The following ZRANB3 variants were observed in gnomAD, a reference collection of about 807,000 sequenced individuals.
The protein encoded by ZRANB3 is zinc finger RANBP2-type containing 3, also known as DNA annealing helicase and endonuclease ZRANB3.
Under a neutral mutation model 133.8 loss-of-function variants are expected in ZRANB3, and 125 were observed. That is an observed-to-expected ratio of 0.93 (90% CI 0.81 to 1.08). ZRANB3 has a LOEUF of 1.08. ZRANB3 is among the 50% of genes least tolerant of loss of function. The probability of loss-of-function intolerance (pLI) is 0.00; values close to 1 mark genes in which losing one functional copy is unlikely to be tolerated. For missense variants in ZRANB3, 1,229 were observed against 1,275.5 expected, an observed-to-expected ratio of 0.96 and a Z score of 0.56; for synonymous variants, 387 against 432.7, an observed-to-expected ratio of 0.89 and a Z score of 1.31.
chr2:135,515,634 C>T (rs1161544230), intron 1 of ZRANB3, among the ~76,000 whole-genome samples: 2 of 152,168 alleles, frequency 1.3e-5, no homozygotes, highest in Non-Finnish European at 2.9e-5. Context: ...TTTGCTTGCA[C>T]TGTGGTCTGA....
chr2:135,315,875 A>T (rs1016467526), intron 6 of ZRANB3, among the ~76,000 whole-genome samples: 2 of 152,152 alleles, frequency 1.3e-5, no homozygotes, highest in African/African-American at 4.8e-5. Flanking sequence ...GTTTTAGCAG[A>T]TCTATCCATA....
Position 135,198,263 on chromosome 2 carries a change from T to G in ZRANB3, c.*2079A>C, listed in dbSNP as rs2105027762. 1 of 152,322 alleles carries G rather than the reference T, an allele frequency of 6.6e-6. No homozygotes were observed. The highest frequency in any genetic ancestry group is 1.5e-5 in the Non-Finnish European group (1 of 68,054). 9.4% of individuals were successfully genotyped at this position (152,322 alleles called of 1,614,324 possible). A position where few individuals can be genotyped will look rare whatever the true frequency, so the allele number is the denominator to read the frequency against. ...GGAAAGAACAGTCCTCAAGATGCCC[T>G]TTCGGTCTCGGTTATTAGATCAATC... On this transcript the variant is annotated 3_prime_UTR_variant, in exon 21 of 21. Coordinates refer to ENST00000264159, the MANE Select transcript of ZRANB3 (RefSeq NM_032143.4).
At chr2:135,330,645 T>C (rs952486274) in intron 6 of ZRANB3, among the ~76,000 whole-genome samples, 2 of 152,010 alleles carry the variant, frequency 1.3e-5, no homozygotes, top group East Asian at 1.9e-4. Flanking sequence ...CTCCTCTTTG[T>C]AATTCTGGTA....
intron 3 of ZRANB3, among the ~76,000 whole-genome samples, chr2:135,371,276 T>G (rs545815408): frequency 6.6e-6 from 1 of 152,326 alleles, no homozygotes; most frequent in African/African-American, 2.4e-5. Flanking sequence ...ACTGGTATGG[T>G]AGGAATGTTT....
chr2:135,424,978 T>C (rs1242322074), intron 2 of ZRANB3, among the ~76,000 whole-genome samples: 1 of 151,918 alleles, frequency 6.6e-6, no homozygotes, highest in African/African-American at 2.4e-5. Context: ...CAAGAAAGCT[T>C]AGAAAAATAT....
At chr2:135,429,084 C>T (rs1689212304) in intron 2 of ZRANB3, among the ~76,000 whole-genome samples, 1 of 152,186 alleles carries the variant, frequency 6.6e-6, no homozygotes, top group Admixed American at 6.5e-5. Flanking sequence ...CACATACACG[C>T]ATATGTTCAT....
In ZRANB3 at chr2:135,230,956, GTA is replaced by G. The variant is rs779740805; in HGVS notation, c.1540-31_1540-30del. The stretch of plus-strand genomic sequence containing the variant: ...GGAAAAGCAAACAGTAGTTATCAAA[GTA>G]AGAAGCAATCTAATATGTTCTTCTT... On this transcript the variant is annotated intron_variant, in intron 12 of 20. Coordinates refer to ENST00000264159, the MANE Select transcript of ZRANB3 (RefSeq NM_032143.4). 2.9e-5 allele frequency: 44 copies of G among 1,511,318 alleles called. No homozygotes were observed. The East Asian group carries it at 1.0e-3, about 34-fold the overall frequency. The allele number at this position is 1,511,318 out of a possible 1,614,324, so 93.6% of individuals were successfully genotyped here. A position where few individuals can be genotyped will look rare whatever the true frequency, so the allele number is the denominator to read the frequency against.
rs1337131927 is a variant in ZRANB3 at position 135,483,547 on chromosome 2, A to G, written c.161+20782T>C. Reference sequence around the variant, plus strand: ...TGCTAGTGGTCTATCAATTTTGTTGATCCTTTCAAAAAACCAGCTCCTGGA... The same window carrying G: ...TGCTAGTGGTCTATCAATTTTGTTGGTCCTTTCAAAAAACCAGCTCCTGGA... On this transcript the variant is annotated intron_variant, in intron 2 of 20. Coordinates refer to ENST00000264159, the MANE Select transcript of ZRANB3 (RefSeq NM_032143.4). Among the ~76,000 whole-genome samples the G allele has an allele frequency of 2.0e-5, 3 of 151,654 alleles. No homozygotes were observed. The South Asian group carries it at 6.2e-4, about 31-fold the overall frequency.
chr2:135,259,846 T>C (rs550238926), intron 12 of ZRANB3, among the ~76,000 whole-genome samples: 40 of 152,160 alleles, frequency 2.6e-4, no homozygotes, highest in African/African-American at 9.4e-4. Flanking sequence ...ATAGTTTATA[T>C]ATAATGGATG....
rs1247909046 is a variant in ZRANB3 at position 135,230,842 on chromosome 2, G to C, written c.1625C>G (p.Ser542Ter). ...AGTATTTTCCTCCCGGAATCTCTTT[G>C]ATTCGTCACAGGAGGTCATCAACTG... Reference protein sequence around the residue: ...KRQLMTSCDESKRFREENTVV... With the variant: ...KRQLMTSCDE The change falls in exon 13 of 21, where the codon TCA becomes TGA. Residue 542 changes from serine to a stop codon, truncating the protein, a stop_gained. Transcript: ENST00000264159. LOFTEE classifies it high-confidence loss of function. 2 of 1,612,874 alleles carry C rather than the reference G, an allele frequency of 1.2e-6. No individual in the cohort carries two copies. The highest frequency in any genetic ancestry group is 2.7e-5 in the African/African-American group (2 of 74,872).
At chr2:135,273,370 T>C (rs1307583688) in intron 9 of ZRANB3, among the ~76,000 whole-genome samples, 1 of 152,106 alleles carries the variant, frequency 6.6e-6, no homozygotes, top group East Asian at 1.9e-4. Context: ...AAAAAGAATG[T>C]CCCGTATTAA....
chr2:135,298,638 T>G (rs1460859555), intron 8 of ZRANB3, among the ~76,000 whole-genome samples: 1 of 152,154 alleles, frequency 6.6e-6, no homozygotes, highest in African/African-American at 2.4e-5. Flanking sequence ...GGGCTGGTAC[T>G]GGGAAGTGTC....
chr2:135,504,037 G>A (rs1389617219), intron 2 of ZRANB3, among the ~76,000 whole-genome samples: 1 of 152,158 alleles, frequency 6.6e-6, no homozygotes, highest in African/African-American at 2.4e-5. Context: ...TTAGTTTCAT[G>A]TGAAAGCAAT....
rs182704520 is a variant in ZRANB3 at position 135,483,592 on chromosome 2, G to A, written c.161+20737C>T. Among the ~76,000 whole-genome samples the A allele has an allele frequency of 2.6e-3, 395 of 151,994 alleles. 7 individuals are homozygous for A. Among genetic ancestry groups the A allele is most frequent in the African/African-American group, 8.4e-3 (347 of 41,388 alleles). On this transcript the variant is annotated intron_variant, in intron 2 of 20. Coordinates refer to ENST00000264159, the MANE Select transcript of ZRANB3 (RefSeq NM_032143.4). The stretch of plus-strand genomic sequence containing the variant: ...CCTGGATTCATTAATTTTTTGAAGG[G>A]TTTTTGTGTCTCTATTTCCTTCAGT...
At chr2:135,439,572 A>C (rs956342714) in intron 2 of ZRANB3, among the ~76,000 whole-genome samples, 17 of 152,318 alleles carry the variant, frequency 1.1e-4, no homozygotes, top group African/African-American at 3.4e-4. Context: ...CAATGATAAT[A>C]GTTATAAGAA....
At chr2:135,405,048 C>T (rs1687941866) in intron 2 of ZRANB3, among the ~76,000 whole-genome samples, 1 of 152,114 alleles carries the variant, frequency 6.6e-6, no homozygotes, top group Admixed American at 6.5e-5. Flanking sequence ...AGTCAAGACC[C>T]ATCAGTGTGC....
chr2:135,360,712 T>A (rs1685655142), intron 3 of ZRANB3, among the ~76,000 whole-genome samples: 1 of 152,046 alleles, frequency 6.6e-6, no homozygotes, highest in Admixed American at 6.6e-5. Flanking sequence ...CTCAAAAAAA[T>A]AAAATAAAAT....
intron 17 of ZRANB3, among the ~76,000 whole-genome samples, chr2:135,217,084 C>T (rs1253234580): frequency 6.6e-6 from 1 of 152,182 alleles, no homozygotes; most frequent in Non-Finnish European, 1.5e-5. Flanking sequence ...CAGCATCATA[C>T]TCACGCACAG....
At chr2:135,208,200 C>T (rs1249114029) in intron 18 of ZRANB3, among the ~76,000 whole-genome samples, 3 of 152,152 alleles carry the variant, frequency 2.0e-5, no homozygotes, top group Admixed American at 6.6e-5. Context: ...GGCTACCCTG[C>T]TCCTTAAATA....
Sources: gnomAD v4.1 joint callset for allele counts (sites outside exome capture counted in the v4.1 genomes callset) on GRCh38, gnomAD v4.1.1 for gene constraint, MANE v1.5 for transcripts, NCBI Gene and HGNC (gene_info 2026-07-23, HGNC 2026-07-21) for gene names.